CNTN5: variants seen among roughly 807,000 people sequenced by gnomAD.
CNTN5 encodes contactin-5.
Under a neutral mutation model 129.1 loss-of-function variants are expected in CNTN5, and 77 were observed. The ratio of observed to expected loss-of-function variants is 0.60; its 90% confidence interval spans 0.50 to 0.72. CNTN5 has a LOEUF of 0.72. Ranked by LOEUF, CNTN5 falls within the 30% of genes least tolerant of loss-of-function variation. The probability of loss-of-function intolerance (pLI) is 0.00; values close to 1 mark genes in which losing one functional copy is unlikely to be tolerated. For missense variants in CNTN5, 1,478 were observed against 1,328.8 expected (o/e 1.11, Z -1.75); for synonymous variants, 509 against 465.6 (o/e 1.09, Z -1.20).
At chr11:99,432,441 T>TTCTC in intron 2 of CNTN5, among the ~76,000 whole-genome samples, 1 of 141,666 alleles carries the variant, frequency 7.1e-6, no homozygotes, top group Non-Finnish European at 1.5e-5. Context: ...TTTTCTTTCC[T>TTCTC]TTTCTTTTCT....
chr11:99,389,014 T>TATTTTATTTTATTTTATTTTATTTC (rs1941086275), intron 2 of CNTN5, among the ~76,000 whole-genome samples: 3 of 148,986 alleles, frequency 2.0e-5, no homozygotes, highest in African/African-American at 7.4e-5. Flanking sequence ...TATTTTATTT[T>TATTTTATTTTATTTTATTTTATTTC]ATTTTATTTT....
At chr11:99,760,625 ACTG>A (rs1328052625) in intron 3 of CNTN5, among the ~76,000 whole-genome samples, 1 of 152,170 alleles carries the variant, frequency 6.6e-6, no homozygotes, top group East Asian at 1.9e-4. Flanking sequence ...GATTTTTAAA[ACTG>A]CTGCCTAATA....
At chr11:99,302,065 G>A (rs765100765) in intron 1 of CNTN5, among the ~76,000 whole-genome samples, 8 of 151,404 alleles carry the variant, frequency 5.3e-5, no homozygotes, top group Non-Finnish European at 7.4e-5. Flanking sequence ...AAAACTTGTC[G>A]GATACATTTG....
At chr11:100,104,302 C>T (rs958016493) in intron 13 of CNTN5, among the ~76,000 whole-genome samples, 6 of 152,012 alleles carry the variant, frequency 3.9e-5, no homozygotes, top group Admixed American at 6.6e-5. Flanking sequence ...GCCGTGTTGG[C>T]CAGACTGGTC....
chr11:100,224,221 C>A (rs1371474650), intron 15 of CNTN5, among the ~76,000 whole-genome samples: 7 of 152,124 alleles, frequency 4.6e-5, no homozygotes, highest in African/African-American at 1.4e-4. Flanking sequence ...CTGTCTCATT[C>A]TGTTGCCTAC....
At position 100,078,532 on chromosome 11, in the gene CNTN5, G is replaced by A. The variant is rs147003303; in HGVS notation, c.1580+4238G>A. Among the ~76,000 whole-genome samples the A allele has an allele frequency of 3.1e-3, 471 of 152,160 alleles. 2 individuals carry two copies. The highest frequency in any genetic ancestry group is 9.3e-3 in the East Asian group (48 of 5,166). ...AATGATGATGACTGCTTATGAGTTC[G>A]TAGCGTTTATGATTTGCAAAGCACT... On this transcript the variant is annotated intron_variant, in intron 13 of 24. Transcript: ENST00000524871.
At chr11:99,195,842 T>C (rs913995165) in intron 1 of CNTN5, among the ~76,000 whole-genome samples, 1 of 152,022 alleles carries the variant, frequency 6.6e-6, no homozygotes, top group Admixed American at 6.5e-5. Flanking sequence ...TTAAAACTAA[T>C]TAAGTTTTAC....
At chr11:100,179,165 A>G (rs758177804) in intron 13 of CNTN5, among the ~76,000 whole-genome samples, 4 of 152,062 alleles carry the variant, frequency 2.6e-5, no homozygotes, top group Admixed American at 6.6e-5. Flanking sequence ...TAGATCATTC[A>G]TTGTATCTAA....
At chr11:99,508,517 C>A (rs77782664) in intron 2 of CNTN5, among the ~76,000 whole-genome samples, 1 of 152,074 alleles carries the variant, frequency 6.6e-6, no homozygotes, top group African/African-American at 2.4e-5. Context: ...GCGACTTGAG[C>A]ATCCACAGCT....
chr11:100,249,968 G>A (rs1949931450), intron 16 of CNTN5, among the ~76,000 whole-genome samples: 2 of 151,940 alleles, frequency 1.3e-5, no homozygotes, highest in East Asian at 1.9e-4. Flanking sequence ...ACCTTTTTAT[G>A]GTTAAAATTT....
chr11:100,330,481 C>T (rs1951883347), intron 21 of CNTN5, among the ~76,000 whole-genome samples: 1 of 150,642 alleles, frequency 6.6e-6, no homozygotes, highest in Non-Finnish European at 1.5e-5. Flanking sequence ...TCAAAGAACA[C>T]CTGGGAAATT....
At chr11:99,864,918 G>C (rs1948313882) in intron 6 of CNTN5, among the ~76,000 whole-genome samples, 1 of 152,138 alleles carries the variant, frequency 6.6e-6, no homozygotes, top group Non-Finnish European at 1.5e-5. Context: ...CAAATACTGA[G>C]ATAATATTTG....
chr11:100,280,713 C>A (rs1035866582), intron 18 of CNTN5, among the ~76,000 whole-genome samples: 1 of 152,008 alleles, frequency 6.6e-6, no homozygotes, highest in Non-Finnish European at 1.5e-5. Context: ...CTTACTCCTG[C>A]CATTTTATTA....
At chr11:100,171,790 C>T (rs17094472) in intron 13 of CNTN5, among the ~76,000 whole-genome samples, 31,184 of 151,378 alleles carry the variant, frequency 0.21, 4,168 homozygotes, top group East Asian at 0.53. Context: ...CAGGGGAAAA[C>T]GAAGGAATGT....
intron 13 of CNTN5, among the ~76,000 whole-genome samples, chr11:100,089,303 A>G (rs919123483): frequency 6.6e-6 from 1 of 152,150 alleles, no homozygotes; most frequent in Non-Finnish European, 1.5e-5. Flanking sequence ...AACATATGCA[A>G]AAAAGCTCAA....
chr11:99,072,073 G>A (rs1865361202), intron 1 of CNTN5, among the ~76,000 whole-genome samples: 1 of 152,018 alleles, frequency 6.6e-6, no homozygotes, highest in African/African-American at 2.4e-5. Context: ...ATATGAAGTT[G>A]ACCATTTATA....
chr11:99,452,914 A>T (rs1304895089), intron 2 of CNTN5, among the ~76,000 whole-genome samples: 1 of 152,230 alleles, frequency 6.6e-6, no homozygotes, highest in Non-Finnish European at 1.5e-5. Context: ...TAAAACAATC[A>T]TGAGAAATAT....
At chr11:99,414,960 C>T (rs1433021983) in intron 2 of CNTN5, among the ~76,000 whole-genome samples, 1 of 152,100 alleles carries the variant, frequency 6.6e-6, no homozygotes, top group Non-Finnish European at 1.5e-5. Flanking sequence ...AATATCTGAA[C>T]TATTTTATTT....
Position 99,760,110 on chromosome 11 carries a change from T to C in CNTN5, c.56-59434T>C, listed in dbSNP as rs553825426. ...TGCATGTGAGATTGTGTCTCCTTTT[T>C]TCTCCAATCCTTTTTTGATAGTTGG... On this transcript the variant is annotated intron_variant, in intron 3 of 24. Coordinates refer to ENST00000524871, the MANE Select transcript of CNTN5 (RefSeq NM_014361.4). Among the ~76,000 whole-genome samples, 4 of 152,318 alleles carry C rather than the reference T, an allele frequency of 2.6e-5. No individual in the cohort carries two copies. The South Asian group carries it at 8.3e-4, about 32-fold the overall frequency.
Sources: gnomAD v4.1 joint callset for allele counts (sites outside exome capture counted in the v4.1 genomes callset) on GRCh38, gnomAD v4.1.1 for gene constraint, MANE v1.5 for transcripts, NCBI Gene and HGNC (gene_info 2026-07-23, HGNC 2026-07-21) for gene names.